The following ABL2 variants were observed in gnomAD, a reference collection of about 807,000 sequenced individuals.
ABL2 encodes the protein ABL proto-oncogene 2, non-receptor tyrosine kinase.
In ABL2, 49 loss-of-function variants were observed where a neutral mutation model predicts 107.7. The observed-to-expected ratio is 0.45, with a 90% CI of 0.36 to 0.58. The LOEUF (loss-of-function observed/expected upper bound fraction) is 0.58, where lower values mean the gene tolerates loss of function less well. Ranked by LOEUF, ABL2 falls within the 20% of genes least tolerant of loss-of-function variation. The pLI, the probability that ABL2 is intolerant of heterozygous loss-of-function variation, is 0.00. For synonymous variants in ABL2, 549 were observed against 548.6 expected (o/e 1.00, Z -0.01); for missense variants, 1,245 against 1,457.0 (o/e 0.85, Z 2.37).
intron 1 of ABL2, among the ~76,000 whole-genome samples, chr1:179,143,759 C>T (rs12096906): frequency 1.3e-5 from 2 of 152,194 alleles, no homozygotes; most frequent in Admixed American, 1.3e-4. Flanking sequence ...GGCAGTGGCG[C>T]GATCTCGGCT....
In ABL2 at chr1:179,109,260, G is replaced by A. The variant is rs1032749267; in HGVS notation, c.2007C>T (p.Ser669=). The A allele has an allele frequency of 3.1e-6, 5 of 1,614,038 alleles. No individual in the cohort carries two copies. Among genetic ancestry groups the A allele is most frequent in the Non-Finnish European group, 4.2e-6 (5 of 1,180,038 alleles). Residue 669 remains serine, a synonymous_variant, in exon 12 of 12, where the codon AGC becomes AGT. Transcript: ENST00000502732. ...GATTCTCCATTTCTCGGAAGGAGCT[G>A]CTGCGTTTGGGGGGTGTAGGAGCAT... is the stretch of plus-strand genomic sequence containing the variant. ...KRNAPTPPKR[S]SSFREMENQP... is the part of the protein sequence containing the mutation.
At chr1:179,214,467 T>A (rs2124835774) in intron 1 of ABL2, among the ~76,000 whole-genome samples, 1 of 145,526 alleles carries the variant, frequency 6.9e-6, no homozygotes, top group Middle Eastern at 3.6e-3. Context: ...AATAGTATAT[T>A]AACAATGTGC....
chr1:179,228,872 G>A (rs1218433635), intron 1 of ABL2, among the ~76,000 whole-genome samples: 4 of 152,024 alleles, frequency 2.6e-5, no homozygotes, highest in Non-Finnish European at 2.9e-5. Context: ...CACTAACGAC[G>A]GGTTTATGCT....
chr1:179,197,178 G>A (rs1217088158), intron 1 of ABL2, among the ~76,000 whole-genome samples: 3 of 152,020 alleles, frequency 2.0e-5, no homozygotes, highest in Non-Finnish European at 4.4e-5. Context: ...TGTAGTTTCT[G>A]GAAGCACAAA....
At chr1:179,163,988 G>A (rs1448468477) in intron 1 of ABL2, among the ~76,000 whole-genome samples, 1 of 152,130 alleles carries the variant, frequency 6.6e-6, no homozygotes, top group Non-Finnish European at 1.5e-5. Context: ...CTATGACACT[G>A]CTGAAAGACA....
intron 1 of ABL2, among the ~76,000 whole-genome samples, chr1:179,171,919 A>C (rs1659747187): frequency 6.6e-6 from 1 of 152,188 alleles, no homozygotes; most frequent in South Asian, 2.1e-4. Context: ...CTCAAAACTA[A>C]CCACCATTTA....
intron 1 of ABL2, among the ~76,000 whole-genome samples, chr1:179,148,335 C>A (rs1557955982): frequency 6.6e-6 from 1 of 152,200 alleles, no homozygotes. Context: ...ACCACCGCAC[C>A]TGGCTAGCAC....
intron 4 of ABL2, among the ~76,000 whole-genome samples, chr1:179,123,188 T>C (rs1020572022): frequency 6.6e-6 from 1 of 152,170 alleles, no homozygotes; most frequent in Non-Finnish European, 1.5e-5. Context: ...CAGTTGAGTG[T>C]CTAGGCCATT....
intron 1 of ABL2, 64 bp downstream of exon 1, chr1:179,229,175 CCA>C: frequency 3.1e-6 from 1 of 321,446 alleles, no homozygotes; most frequent in Non-Finnish European, 6.3e-6. Context: ...CGTCCGCCAC[CCA>C]CCCCGCCCCG....
intron 9 of ABL2, among the ~76,000 whole-genome samples, chr1:179,114,107 T>C (rs1654377272): frequency 6.6e-6 from 1 of 150,836 alleles, no homozygotes; most frequent in South Asian, 2.1e-4. Flanking sequence ...ATACAAAAAT[T>C]AGCCAGGCGT....
At chr1:179,140,107 C>T (rs1471166841) in intron 1 of ABL2, among the ~76,000 whole-genome samples, 1 of 152,206 alleles carries the variant, frequency 6.6e-6, no homozygotes, top group African/African-American at 2.4e-5. Flanking sequence ...CAAGACTCTT[C>T]AAAGGTTCCC....
chr1:179,163,894 C>T (rs192503298), intron 1 of ABL2, among the ~76,000 whole-genome samples: 1 of 152,318 alleles, frequency 6.6e-6, no homozygotes, highest in East Asian at 1.9e-4. Context: ...TTGATAGACA[C>T]AAGTTGGATG....
At chr1:179,136,743 A>AAT (rs775233546) in intron 1 of ABL2, among the ~76,000 whole-genome samples, 949 of 80,304 alleles carry the variant, frequency 0.012, 7 homozygotes, top group African/African-American at 0.032. Flanking sequence ...TAAATAAATA[A>AAT]AAATAAAAAT....
At position 179,108,641 on chromosome 1, in the gene ABL2, G is replaced by T; in HGVS notation, c.2626C>A (p.Pro876Thr). ...ACTCCAGCCACTCCCACCCCTGGAG[G>T]GTCCTTCTCTGTAATGGCTAGATCC... is the stretch of plus-strand genomic sequence containing the variant. ...SGDLAITEKD[P>T]PGVGVAGVAA... The change falls in exon 12 of 12, where the codon CCT becomes ACT. Residue 876 changes from proline (P) to threonine (T), a missense_variant. Around this residue, in one of 3 missense-constraint regions of ABL2, gnomAD observed 761 missense variants for 766.4 expected, o/e 0.99. Transcript: ENST00000502732. 6.2e-7 allele frequency: 1 copy of T among 1,614,214 alleles called. No individual in the cohort carries two copies. Among genetic ancestry groups the T allele is most frequent in the Non-Finnish European group, 8.5e-7 (1 of 1,180,046 alleles).
At chr1:179,129,126 G>T (rs1217289460) in intron 3 of ABL2, among the ~76,000 whole-genome samples, 1 of 152,010 alleles carries the variant, frequency 6.6e-6, no homozygotes, top group Non-Finnish European at 1.5e-5. Flanking sequence ...AAATTAGTGA[G>T]AACCTGATAT....
intron 1 of ABL2, among the ~76,000 whole-genome samples, chr1:179,136,633 C>T (rs1352302967): frequency 6.7e-6 from 1 of 149,404 alleles, no homozygotes; most frequent in African/African-American, 2.4e-5. Context: ...TGTTTATCTG[C>T]TGACCTTCCC....
intron 1 of ABL2, among the ~76,000 whole-genome samples, chr1:179,148,039 C>CTTTT (rs1393464807): frequency 3.1e-5 from 4 of 131,050 alleles, no homozygotes; most frequent in Admixed American, 8.0e-5. Flanking sequence ...CTTTTCTTTT[C>CTTTT]TTTTTTTTTT....
rs140412694 is a variant in ABL2 at position 179,189,324 on chromosome 1, G to A, written c.157+39917C>T. Among the ~76,000 whole-genome samples the A allele has an allele frequency of 8.5e-3, 1,295 of 152,138 alleles. 45 individuals carry two copies. The highest frequency in any genetic ancestry group is 0.057 in the Admixed American group (874 of 15,282). ...CTATTTTGTATTTTTAGTAGAGACGGGGTTTCACCATGTTGGCCAGGCTTA... is the reference window on the plus strand; with the variant it reads ...CTATTTTGTATTTTTAGTAGAGACGAGGTTTCACCATGTTGGCCAGGCTTA... On this transcript the variant is annotated intron_variant, in intron 1 of 11. Transcript: ENST00000502732.
intron 9 of ABL2, among the ~76,000 whole-genome samples, chr1:179,113,858 C>T (rs569806647): frequency 1.4e-4 from 21 of 151,768 alleles, no homozygotes; most frequent in South Asian, 8.3e-4. Context: ...GGCATCAACC[C>T]GAGAGGTGGA....
Sources: allele counts gnomAD v4.1 joint callset (sites outside exome capture counted in the v4.1 genomes callset), GRCh38; gene constraint gnomAD v4.1.1; regional missense constraint gnomAD v4.1.1; transcripts MANE v1.5; gene names NCBI Gene and HGNC (gene_info 2026-07-23, HGNC 2026-07-21).